The following PRSS22 variants were observed in gnomAD, a reference collection of about 807,000 sequenced individuals.
PRSS22 encodes the protein serine protease 22, also known as brain-specific serine protease 4.
PRSS22 carries 26 observed loss-of-function variants against 28.0 expected under a neutral mutation model. The observed-to-expected ratio is 0.93, with a 90% CI of 0.68 to 1.29. The LOEUF (loss-of-function observed/expected upper bound fraction) is 1.29, where lower values mean the gene tolerates loss of function less well. Among genes scored for constraint, PRSS22 ranks in the 50% most tolerant of loss-of-function variants. The pLI is 0.00. For missense variants in PRSS22, 444 were observed against 422.1 expected (o/e 1.05, Z -0.46); for synonymous variants, 217 against 177.9 (o/e 1.22, Z -1.75).
At position 2,855,869 on chromosome 16, in the gene PRSS22, G is replaced by A. The variant is rs1459950303; in HGVS notation, c.282-18C>T. ...TCAGGTTGCTGGAAGGAAAGGGAAG[G>A]GGAGGATCAGCCAGGCCTGGTCTGG... On this transcript the variant is annotated intron_variant, in intron 3 of 5. Coordinates refer to ENST00000161006, the MANE Select transcript of PRSS22 (RefSeq NM_022119.4). 3 of 1,605,690 alleles carry A rather than the reference G, an allele frequency of 1.9e-6. No individual in the cohort carries two copies. The highest frequency in any genetic ancestry group is 2.5e-6 in the Non-Finnish European group (3 of 1,177,566).
rs33950878 is a variant in PRSS22 at position 2,855,347 on chromosome 16, C to CAA, written c.559+225_559+226dup. On this transcript the variant is annotated intron_variant, in intron 4 of 5. Coordinates refer to ENST00000161006, the MANE Select transcript of PRSS22 (RefSeq NM_022119.4). Reference sequence around the variant, plus strand: ...TGGGTGACAGAGTAACACCCTGTCTCAAAAAAAAAAAAAAAAAAAAGAAGA... The same window carrying CAA: ...TGGGTGACAGAGTAACACCCTGTCTCAAAAAAAAAAAAAAAAAAAAAAGAAGA... 4.7e-3 allele frequency among the ~76,000 whole-genome samples: 327 copies of CAA among 69,012 alleles called. 5 individuals are homozygous for CAA. The highest frequency in any genetic ancestry group is 0.011 in the African/African-American group (182 of 15,838). The allele number at this position is 69,012 out of a possible 152,430, so 45.3% of individuals were successfully genotyped here.
At position 2,852,878 on chromosome 16, in the gene PRSS22, C is replaced by A; in HGVS notation, c.*215G>T. Reference sequence around the variant, plus strand: ...AAGTCGTGGGGGCGGGGACATGAGGCCGTTGGGCGGGGCCTGATGCCTTGG... The same window carrying A: ...AAGTCGTGGGGGCGGGGACATGAGGACGTTGGGCGGGGCCTGATGCCTTGG... On this transcript the variant is annotated 3_prime_UTR_variant, in exon 6 of 6. Transcript: ENST00000161006. 1.8e-6 allele frequency: 1 copy of A among 545,356 alleles called. No homozygotes were observed. The highest frequency in any genetic ancestry group is 3.2e-6 in the Non-Finnish European group (1 of 311,418). The allele number at this position is 545,356 out of a possible 1,614,324, so 33.8% of individuals were successfully genotyped here. A position where few individuals can be genotyped will look rare whatever the true frequency, so the allele number is the denominator to read the frequency against.
At chr16:2,857,248 C>CAGTGAGGAGGGGTCCCCAGCGCCT (rs1555473336) in intron 1 of PRSS22, 32,663 of 198,758 alleles carry the variant, frequency 0.16, 8,644 homozygotes, top group East Asian at 0.26. Flanking sequence ...CCCCAGCGCC[C>CAGTGAGGAGGGGTCCCCAGCGCCT]AGTGAGGAGG....
Position 2,856,802 on chromosome 16 carries a change from G to A in PRSS22, c.109+20C>T. 1 of 1,551,900 alleles carries A rather than the reference G, an allele frequency of 6.4e-7. No individual in the cohort carries two copies. The highest frequency in any genetic ancestry group is 1.4e-5 in the African/African-American group (1 of 73,164). ...GCCTCCTCCCTTCTCCCTCCCGTCAGAGCTGCCAGCTCCACTCACCAGGTA... is the reference window on the plus strand; with the variant it reads ...GCCTCCTCCCTTCTCCCTCCCGTCAAAGCTGCCAGCTCCACTCACCAGGTA... On this transcript the variant is annotated intron_variant, in intron 2 of 5. Coordinates refer to ENST00000161006, the MANE Select transcript of PRSS22 (RefSeq NM_022119.4).
intron 4 of PRSS22, among the ~76,000 whole-genome samples, chr16:2,855,365 A>AAAAAAAAAAAAG (rs1555473080): frequency 4.5e-5 from 6 of 134,624 alleles, no homozygotes; most frequent in African/African-American, 1.5e-4. Context: ...AAAAAAAAAA[A>AAAAAAAAAAAAG]AAGAAGAAGA....
Position 2,853,085 on chromosome 16 carries a change from G to C in PRSS22, c.*8C>G. 6.5e-7 allele frequency: 1 copy of C among 1,546,908 alleles called. No homozygotes were observed. The highest frequency in any genetic ancestry group is 2.3e-5 in the East Asian group (1 of 43,762). On this transcript the variant is annotated 3_prime_UTR_variant, in exon 6 of 6. Transcript: ENST00000161006. The surrounding 1 kb of genome is among the most constrained non-coding windows in gnomAD (Gnocchi z 4.6). Reference sequence around the variant, plus strand: ...CTTTCAGATCCGAGCCCCGCGTCCCGCTGCGCCCTAGGAGCGCGCGGCGGC... The same window carrying C: ...CTTTCAGATCCGAGCCCCGCGTCCCCCTGCGCCCTAGGAGCGCGCGGCGGC...
At chr16:2,854,054 G>T (rs1296627004) in intron 4 of PRSS22, 32 bp from the exon 5 acceptor site, 1 of 1,613,290 alleles carries the variant, frequency 6.2e-7, no homozygotes, top group Non-Finnish European at 8.5e-7. Flanking sequence ...TCAGGTTTGG[G>T]GGTCTCCCCT....
chr16:2,857,284 C>G (rs34016198), intron 1 of PRSS22: 5,170 of 45,102 alleles, frequency 0.11, 75 homozygotes, highest in South Asian at 0.18. Flanking sequence ...GTGAGGAGGG[C>G]TCCCCAGCGC....
rs1205437344 is a variant in PRSS22 at position 2,853,282 on chromosome 16, C to T, written c.765G>A (p.Leu255=). The T allele has an allele frequency of 6.3e-7, 1 of 1,599,800 alleles. No homozygotes were observed. The change falls in exon 6 of 6, where the codon CTG becomes CTA. Residue 255 remains leucine (L), a synonymous_variant. Transcript: ENST00000161006. This position sits in a 1 kb window ranked among gnomAD's most constrained non-coding sequence, Gnocchi z 4.6. ...PLMCQVDGAW[L]LAGIISWGEG... ...CGCCCCAGCTGATGATGCCGGCCAG[C>T]AGCCAGGCGCCGTCCACCTGGCACA...
intron 1 of PRSS22, chr16:2,857,157 G>A: frequency 2.1e-6 from 1 of 482,866 alleles, no homozygotes; most frequent in South Asian, 2.2e-5. Context: ...AGTGCCCAGT[G>A]GGAAGGGGTC....
In PRSS22 at chr16:2,856,067, G is replaced by T. The variant is rs752861534; in HGVS notation, c.281+15C>A. ...GGCCTTAGAAGATCAAGTGCCCCAG[G>T]CCGGCTGTACATACTCCTTGAAACA... On this transcript the variant is annotated intron_variant, in intron 3 of 5. Transcript: ENST00000161006. 1 of 1,610,714 alleles carries T rather than the reference G, an allele frequency of 6.2e-7. No individual in the cohort carries two copies. Among genetic ancestry groups the T allele is most frequent in the East Asian group, 2.2e-5 (1 of 44,802 alleles).
chr16:2,854,792 G>T (rs1441964481), intron 4 of PRSS22, among the ~76,000 whole-genome samples: 1 of 152,050 alleles, frequency 6.6e-6, no homozygotes, highest in Non-Finnish European at 1.5e-5. Context: ...GTTTTGAGAT[G>T]ATGTTTTCCA....
At chr16:2,855,917 C>T in intron 3 of PRSS22, 66 bp from the exon 4 acceptor site, 2 of 1,558,458 alleles carry the variant, frequency 1.3e-6, no homozygotes, top group South Asian at 2.4e-5. Context: ...GGGGGAACAG[C>T]ATGGGTGTGA....
intron 2 of PRSS22, 113 bp downstream of exon 2, chr16:2,856,709 C>G: frequency 7.9e-7 from 1 of 1,273,864 alleles, no homozygotes; most frequent in East Asian, 2.5e-5. Flanking sequence ...AGCTCTTTCC[C>G]CCTCTCACCC....
Position 2,853,044 on chromosome 16 carries a change from A to G in PRSS22, c.*49T>C. 1 of 1,288,488 alleles carries G rather than the reference A, an allele frequency of 7.8e-7. No individual in the cohort carries two copies. The highest frequency in any genetic ancestry group is 1.1e-6 in the Non-Finnish European group (1 of 946,528). 79.8% of individuals were successfully genotyped at this position (1,288,488 alleles called of 1,614,324 possible). A position where few individuals can be genotyped will look rare whatever the true frequency, so the allele number is the denominator to read the frequency against. ...GAGGCCGCCGCAGATCCAGATCCAG[A>G]TGTGGATCTGGCCGCCTTTCAGATC... On this transcript the variant is annotated 3_prime_UTR_variant, in exon 6 of 6. Transcript: ENST00000161006. This position sits in a 1 kb window ranked among gnomAD's most constrained non-coding sequence, Gnocchi z 4.6.
In PRSS22 at chr16:2,858,134, G is replaced by T; in HGVS notation, c.-30C>A. 8.0e-7 allele frequency: 1 copy of T among 1,256,382 alleles called. No individual in the cohort carries two copies. The highest frequency in any genetic ancestry group is 1.0e-6 in the Non-Finnish European group (1 of 994,318). 77.8% of individuals were successfully genotyped at this position (1,256,382 alleles called of 1,614,324 possible). On this transcript the variant is annotated 5_prime_UTR_variant, in exon 1 of 6. Transcript: ENST00000161006. ...GGTGGGGCGGGGGAGCAGGCAGCAG[G>T]CTCGAGAGACCCAGGGCGATGCGGG...
In PRSS22 at chr16:2,856,114, G is replaced by T; in HGVS notation, c.249C>A (p.Arg83=). 1.9e-6 allele frequency: 3 copies of T among 1,613,988 alleles called. No homozygotes were observed. Among genetic ancestry groups the T allele is most frequent in the Non-Finnish European group, 2.5e-6 (3 of 1,179,962 alleles). ...HHCAGSLLTS[R]WVITAAHCFK... ...AACAGTGGGCAGCAGTGATCACCCA[G>T]CGGCTGGTGAGCAGAGAACCTGCGC... Residue 83 remains arginine (R), a synonymous_variant, in exon 3 of 6, where the codon CGC becomes CGA. Transcript: ENST00000161006.
intron 4 of PRSS22, chr16:2,854,273 G>A (rs1567289914): frequency 2.1e-6 from 1 of 468,764 alleles, no homozygotes; most frequent in Non-Finnish European, 3.9e-6. Context: ...TATATCCACA[G>A]ATGGTTAGAG....
intron 4 of PRSS22, chr16:2,854,258 T>A (rs922758970): frequency 9.9e-6 from 5 of 503,720 alleles, no homozygotes; most frequent in African/African-American, 5.7e-5. Flanking sequence ...TTTAATAAAT[T>A]TTCTTATATC....
Sources: allele counts gnomAD v4.1 joint callset (sites outside exome capture counted in the v4.1 genomes callset), GRCh38; gene constraint gnomAD v4.1.1; non-coding constraint Gnocchi (gnomAD v3.1); transcripts MANE v1.5; gene names NCBI Gene and HGNC (gene_info 2026-07-23, HGNC 2026-07-21).